THEMIS: variants seen among roughly 807,000 people sequenced by gnomAD.
THEMIS encodes protein THEMIS.
In THEMIS, 37 loss-of-function variants were observed where a neutral mutation model predicts 52.6. That is an observed-to-expected ratio of 0.70 (90% confidence interval 0.54 to 0.93). The LOEUF (loss-of-function observed/expected upper bound fraction) is 0.93, where lower values mean the gene tolerates loss of function less well. Among genes scored for constraint, THEMIS ranks in the 40% least tolerant of loss-of-function variants. THEMIS has a pLI of 0.00. For missense variants in THEMIS, 808 were observed against 763.1 expected (o/e 1.06, Z -0.69); for synonymous variants, 292 against 272.7 (o/e 1.07, Z -0.70).
At chr6:127,811,132 C>T (rs952727223) in intron 4 of THEMIS, among the ~76,000 whole-genome samples, 3 of 152,142 alleles carry the variant, frequency 2.0e-5, no homozygotes, top group African/African-American at 7.2e-5. Flanking sequence ...ATTTGACTGT[C>T]TATGGTTTTT....
intron 1 of THEMIS, among the ~76,000 whole-genome samples, chr6:127,877,249 T>A (rs1780341896): frequency 6.6e-6 from 1 of 152,214 alleles, no homozygotes; most frequent in Non-Finnish European, 1.5e-5. Context: ...ACTAAAACTT[T>A]CTTATCAGCA....
At chr6:127,779,247 C>T (rs116295041) in intron 4 of THEMIS, among the ~76,000 whole-genome samples, 3,425 of 152,226 alleles carry the variant, frequency 0.022, 144 homozygotes, top group African/African-American at 0.079. Context: ...CTGACTGATC[C>T]TTCTTTAGGC....
upstream of THEMIS, among the ~76,000 whole-genome samples, chr6:127,905,636 A>G (rs1476945330): frequency 6.6e-6 from 1 of 152,066 alleles, no homozygotes; most frequent in East Asian, 1.9e-4. Context: ...AGTTTTGAAT[A>G]TATCTGCACT....
rs145784908 is a variant in THEMIS at position 127,874,081 on chromosome 6, C to T, written c.92-18893G>A. Among the ~76,000 whole-genome samples, 952 of 152,234 alleles carry T rather than the reference C, an allele frequency of 6.3e-3. 15 individuals are homozygous for T. Among genetic ancestry groups the T allele is most frequent in the African/African-American group, 0.022 (917 of 41,520 alleles). On this transcript the variant is annotated intron_variant, in intron 1 of 5. Coordinates refer to ENST00000368248, the MANE Select transcript of THEMIS (RefSeq NM_001010923.3). ...GGTCTCATGCTGTTTTCAAGGTTTA[C>T]GGTATAGCACTATGATGGAACGTTT...
intron 5 of THEMIS, among the ~76,000 whole-genome samples, chr6:127,719,132 C>T (rs1266767682): frequency 6.6e-6 from 1 of 151,846 alleles, no homozygotes; most frequent in Non-Finnish European, 1.5e-5. Context: ...ATTTCCCTTG[C>T]TAGCTCATCC....
At chr6:127,908,182 A>G (rs1401204037) in intron 1 of THEMIS, among the ~76,000 whole-genome samples, 4 of 152,034 alleles carry the variant, frequency 2.6e-5, no homozygotes, top group Admixed American at 2.6e-4. Context: ...CCTTTTTTCT[A>G]AATTAATGTT....
intron 4 of THEMIS, among the ~76,000 whole-genome samples, chr6:127,774,562 C>G (rs2114453890): frequency 6.6e-6 from 1 of 152,310 alleles, no homozygotes. Flanking sequence ...AACACTTGTA[C>G]TACATCTAAT....
At chr6:127,807,636 A>G (rs1410382593) in intron 4 of THEMIS, among the ~76,000 whole-genome samples, 1 of 152,208 alleles carries the variant, frequency 6.6e-6, no homozygotes, top group Non-Finnish European at 1.5e-5. Context: ...TTACACGAAA[A>G]GGACCTACCA....
chr6:127,836,140 C>A (rs1253365484), intron 2 of THEMIS, among the ~76,000 whole-genome samples: 1 of 151,956 alleles, frequency 6.6e-6, no homozygotes, highest in Non-Finnish European at 1.5e-5. Context: ...GAGGACTATA[C>A]CCTCCCTCTA....
upstream of THEMIS, among the ~76,000 whole-genome samples, chr6:127,901,878 T>C (rs2114507754): frequency 6.6e-6 from 1 of 152,168 alleles, no homozygotes; most frequent in Middle Eastern, 3.4e-3. Flanking sequence ...GGAGGGGAAA[T>C]GATCAGCACC....
chr6:127,852,792 T>A (rs1293240188), intron 2 of THEMIS, among the ~76,000 whole-genome samples: 4 of 151,576 alleles, frequency 2.6e-5, no homozygotes, highest in African/African-American at 9.7e-5. Flanking sequence ...TTCATCATTA[T>A]CTAGGAGTTC....
rs575239497 is a variant in THEMIS at position 127,847,820 on chromosome 6, G to C, written c.250+7210C>G. Among the ~76,000 whole-genome samples, 34 of 151,416 alleles carry C rather than the reference G, an allele frequency of 2.2e-4. 1 individual carries two copies. In the South Asian group the frequency reaches 7.1e-3, roughly 32 times the overall value. ...CCTAAAATTTTTATGGAACCAAAAA[G>C]AGCCCACAGAGCCAAAGCAATACTA... is the stretch of plus-strand genomic sequence containing the variant. On this transcript the variant is annotated intron_variant, in intron 2 of 5. Coordinates refer to ENST00000368248, the MANE Select transcript of THEMIS (RefSeq NM_001010923.3).
intron 4 of THEMIS, among the ~76,000 whole-genome samples, chr6:127,787,069 C>T (rs1224729780): frequency 6.6e-6 from 1 of 152,140 alleles, no homozygotes; most frequent in Non-Finnish European, 1.5e-5. Flanking sequence ...TTTGTCTTTA[C>T]TCAAGCTGAC....
At chr6:127,898,106 A>G (rs1159459841) in intron 1 of THEMIS, among the ~76,000 whole-genome samples, 1 of 151,752 alleles carries the variant, frequency 6.6e-6, no homozygotes, top group Non-Finnish European at 1.5e-5. Context: ...GGGAGATAGT[A>G]TATAATGACT....
intron 3 of THEMIS, among the ~76,000 whole-genome samples, chr6:127,815,425 T>C (rs531543283): frequency 6.6e-6 from 1 of 152,246 alleles, no homozygotes; most frequent in African/African-American, 2.4e-5. Flanking sequence ...TTATGCAGCA[T>C]CAAAAAACCT....
At chr6:127,714,218 A>G (rs972860494) in intron 5 of THEMIS, among the ~76,000 whole-genome samples, 6 of 151,900 alleles carry the variant, frequency 3.9e-5, no homozygotes, top group African/African-American at 1.4e-4. Context: ...CCCGTGGTAT[A>G]CCTGAATCAT....
intron 4 of THEMIS, among the ~76,000 whole-genome samples, chr6:127,791,349 T>C (rs1777149142): frequency 1.3e-5 from 2 of 152,102 alleles, no homozygotes; most frequent in African/African-American, 4.8e-5. Context: ...AGGCTGATTG[T>C]CCCGTTGTCC....
chr6:127,748,367 G>T (rs1775520399), intron 4 of THEMIS, among the ~76,000 whole-genome samples: 1 of 151,992 alleles, frequency 6.6e-6, no homozygotes, highest in Non-Finnish European at 1.5e-5. Context: ...AAAGGGGGAA[G>T]TGGGCACGTG....
chr6:127,701,792 G>A, the THEMIS span, among the ~76,000 whole-genome samples: 1 of 152,122 alleles, frequency 6.6e-6, no homozygotes, highest in Non-Finnish European at 1.5e-5. Flanking sequence ...AAAGATTGCT[G>A]TGATTTTGAG....
Sources: gnomAD v4.1 joint callset for allele counts (sites outside exome capture counted in the v4.1 genomes callset) on GRCh38, gnomAD v4.1.1 for gene constraint, MANE v1.5 for transcripts, NCBI Gene and HGNC (gene_info 2026-07-23, HGNC 2026-07-21) for gene names.